Variants in MARCHF3 observed in about 807,000 individuals in gnomAD.
MARCHF3 encodes the protein E3 ubiquitin-protein ligase MARCHF3.
Under a neutral mutation model 24.2 loss-of-function variants are expected in MARCHF3, and 13 were observed. That is an observed-to-expected ratio of 0.54 (90% CI 0.35 to 0.85). MARCHF3 has a LOEUF of 0.85. MARCHF3 is among the 40% of genes least tolerant of loss of function. The pLI is 0.01. For synonymous variants in MARCHF3, 144 were observed against 137.3 expected (o/e 1.05, Z -0.34); for missense variants, 276 against 325.0 (o/e 0.85, Z 1.16).
At chr5:126,884,804 C>T (rs1753455851) in intron 3 of MARCHF3, among the ~76,000 whole-genome samples, 1 of 152,214 alleles carries the variant, frequency 6.6e-6, no homozygotes, top group Non-Finnish European at 1.5e-5. Context: ...AGCCTCCCTG[C>T]TTCCACTCTG....
chr5:126,965,495 T>G lies in MARCHF3; in HGVS notation c.-56-47268A>C, dbSNP rs532881981. Among the ~76,000 whole-genome samples, 5 of 152,358 alleles carry G rather than the reference T, an allele frequency of 3.3e-5. No individual in the cohort carries two copies. In the East Asian group the frequency reaches 9.6e-4, roughly 29 times the overall value. ...CATTAGAAACATAAATAAATGCTGCTTTAGAGACAGTTTTTAGCTATTAGT... is the reference window on the plus strand; with the variant it reads ...CATTAGAAACATAAATAAATGCTGCGTTAGAGACAGTTTTTAGCTATTAGT... On this transcript the variant is annotated intron_variant, in intron 1 of 4. Transcript: ENST00000308660.
At chr5:126,956,636 C>A (rs1750448989) in intron 1 of MARCHF3, among the ~76,000 whole-genome samples, 1 of 118,188 alleles carries the variant, frequency 8.5e-6, no homozygotes, top group Non-Finnish European at 1.7e-5. Flanking sequence ...CAGAGTGAGG[C>A]TCTGTCTCCA....
chr5:126,968,572 C>T (rs575356546), intron 1 of MARCHF3, among the ~76,000 whole-genome samples: 1 of 152,132 alleles, frequency 6.6e-6, no homozygotes, highest in South Asian at 2.1e-4. Flanking sequence ...GTCCAGTTTT[C>T]AATTGGGTTA....
At chr5:126,993,094 A>G (rs978254460) in intron 1 of MARCHF3, among the ~76,000 whole-genome samples, 4 of 152,166 alleles carry the variant, frequency 2.6e-5, no homozygotes, top group African/African-American at 9.7e-5. Flanking sequence ...ATTTTAAAGC[A>G]GACCATCATG....
chr5:126,936,069 C>T (rs1359931703), intron 1 of MARCHF3, among the ~76,000 whole-genome samples: 3 of 152,044 alleles, frequency 2.0e-5, no homozygotes, highest in Non-Finnish European at 2.9e-5. Context: ...TGCTACACAC[C>T]GAAAGAGTGT....
chr5:127,014,208 C>T (rs1027969728), intron 1 of MARCHF3, among the ~76,000 whole-genome samples: 8 of 151,994 alleles, frequency 5.3e-5, no homozygotes, highest in Non-Finnish European at 8.8e-5. Flanking sequence ...AGCAAAAAAT[C>T]AAATAATCCA....
chr5:126,900,783 C>T (rs1719639160), intron 3 of MARCHF3, among the ~76,000 whole-genome samples: 1 of 151,196 alleles, frequency 6.6e-6, no homozygotes, highest in Admixed American at 6.6e-5. Flanking sequence ...CTCACTGCAA[C>T]CTCTGCTTCC....
chr5:126,886,726 A>G (rs1309151843), intron 3 of MARCHF3, among the ~76,000 whole-genome samples: 2 of 152,132 alleles, frequency 1.3e-5, no homozygotes, highest in Non-Finnish European at 2.9e-5. Flanking sequence ...CAAGCTTTAC[A>G]AGATCCACTG....
intron 1 of MARCHF3, among the ~76,000 whole-genome samples, chr5:126,954,733 T>A (rs1236242728): frequency 6.6e-6 from 1 of 150,944 alleles, no homozygotes; most frequent in Non-Finnish European, 1.5e-5. Flanking sequence ...CATTTACAAC[T>A]CAGAATTTTA....
At chr5:126,873,284 T>C (rs1753034478) in intron 4 of MARCHF3, among the ~76,000 whole-genome samples, 1 of 152,032 alleles carries the variant, frequency 6.6e-6, no homozygotes, top group Non-Finnish European at 1.5e-5. Context: ...TTTGATGTAA[T>C]GCATATAAAA....
intron 1 of MARCHF3, among the ~76,000 whole-genome samples, chr5:127,002,987 A>G (rs544384932): frequency 4.6e-5 from 7 of 152,354 alleles, no homozygotes; most frequent in Admixed American, 4.6e-4. Flanking sequence ...TGGAGAGGAC[A>G]GGAAAGCAAC....
chr5:126,988,691 G>A (rs1446543893), intron 1 of MARCHF3, among the ~76,000 whole-genome samples: 2 of 152,136 alleles, frequency 1.3e-5, no homozygotes, highest in South Asian at 4.2e-4. Context: ...TTGAGGAAGG[G>A]AGAAGGATTA....
intron 3 of MARCHF3, among the ~76,000 whole-genome samples, chr5:126,910,018 C>T (rs1288209090): frequency 1.3e-5 from 2 of 152,280 alleles, no homozygotes; most frequent in East Asian, 3.9e-4. Flanking sequence ...TTAAATTGTT[C>T]ATACAGTTCT....
intron 3 of MARCHF3, among the ~76,000 whole-genome samples, chr5:126,909,716 C>T (rs1035046942): frequency 1.3e-5 from 2 of 152,188 alleles, no homozygotes; most frequent in South Asian, 2.1e-4. Flanking sequence ...CTGTCTGGCA[C>T]TCCCTAGTGA....
intron 1 of MARCHF3, among the ~76,000 whole-genome samples, chr5:127,017,263 A>T (rs1003786954): frequency 2.1e-4 from 32 of 150,988 alleles, no homozygotes; most frequent in Non-Finnish European, 3.0e-4. Context: ...AAAGTATGAT[A>T]AAAAAAAATG....
intron 1 of MARCHF3, among the ~76,000 whole-genome samples, chr5:126,952,136 C>T (rs1266619416): frequency 6.6e-6 from 1 of 152,158 alleles, no homozygotes; most frequent in African/African-American, 2.4e-5. Flanking sequence ...TGTGAGCCAT[C>T]ATGCCCAGCC....
chr5:126,935,277 G>C (rs1749605911), intron 1 of MARCHF3, among the ~76,000 whole-genome samples: 1 of 152,038 alleles, frequency 6.6e-6, no homozygotes, highest in African/African-American at 2.4e-5. Flanking sequence ...CCCTCATGTG[G>C]GTAGGCCTCC....
Position 126,993,661 on chromosome 5 carries a change from ACTTTAAT to A in MARCHF3, c.-57+36682_-57+36688del, listed in dbSNP as rs548638225. 1.1e-3 allele frequency among the ~76,000 whole-genome samples: 163 copies of A among 152,086 alleles called. 1 individual carries two copies. Among genetic ancestry groups the A allele is most frequent in the African/African-American group, 3.8e-3 (156 of 41,476 alleles). Reference sequence around the variant, plus strand: ...ACTCTTGCCAAGCAGCCAAACATTCACTTTAATCATTTTCAGGCAGGGAAAAAAAAGT... The same window carrying A: ...ACTCTTGCCAAGCAGCCAAACATTCACATTTTCAGGCAGGGAAAAAAAAGT... On this transcript the variant is annotated intron_variant, in intron 1 of 4. Coordinates refer to ENST00000308660, the MANE Select transcript of MARCHF3 (RefSeq NM_178450.5).
At chr5:126,900,336 C>T (rs1334050466) in intron 3 of MARCHF3, among the ~76,000 whole-genome samples, 1 of 152,042 alleles carries the variant, frequency 6.6e-6, no homozygotes, top group Non-Finnish European at 1.5e-5. Context: ...AAATCCTAAC[C>T]CTCAAGGTGA....
Sources: allele counts gnomAD v4.1 joint callset (sites outside exome capture counted in the v4.1 genomes callset), GRCh38; gene constraint gnomAD v4.1.1; transcripts MANE v1.5; gene names NCBI Gene and HGNC (gene_info 2026-07-23, HGNC 2026-07-21).